The following ETFBKMT variants were observed in gnomAD, a reference collection of about 807,000 sequenced individuals.
ETFBKMT encodes the protein electron transfer flavoprotein subunit beta lysine methyltransferase.
In ETFBKMT, 13 loss-of-function variants were observed where a neutral mutation model predicts 18.3. That is an observed-to-expected ratio of 0.71 (90% CI 0.46 to 1.13). The LOEUF (loss-of-function observed/expected upper bound fraction) is 1.13. ETFBKMT is among the 50% of genes most tolerant of loss of function. The probability of loss-of-function intolerance (pLI) is 0.00; values close to 1 mark genes in which losing one functional copy is unlikely to be tolerated. For synonymous variants in ETFBKMT, 84 were observed against 107.9 expected, an observed-to-expected ratio of 0.78 and a Z score of 1.37; for missense variants, 293 against 306.2, an observed-to-expected ratio of 0.96 and a Z score of 0.32.
intron 2 of ETFBKMT, 89 bp downstream of exon 2, chr12:31,662,356 G>A: frequency 8.0e-7 from 1 of 1,249,848 alleles, no homozygotes; most frequent in Non-Finnish European, 1.1e-6. Flanking sequence ...AGCAATGCTA[G>A]GCGTGGTGGC....
intron 3 of ETFBKMT, among the ~76,000 whole-genome samples, chr12:31,666,943 C>T (rs1336062486): frequency 6.6e-6 from 1 of 151,834 alleles, no homozygotes; most frequent in East Asian, 1.9e-4. Context: ...AGGCATGAGC[C>T]ACCGCGCCTG....
At chr12:31,657,791 CAAA>C (rs777612236), upstream of ETFBKMT, among the ~76,000 whole-genome samples, 3 of 46,332 alleles carry the variant, frequency 6.5e-5, no homozygotes, top group African/African-American at 9.0e-5. Flanking sequence ...GACTTCATCT[CAAA>C]AAAAAAAAAA....
chr12:31,662,380 C>T, intron 2 of ETFBKMT, 113 bp downstream of exon 2: 1 of 943,698 alleles, frequency 1.1e-6, no homozygotes. Flanking sequence ...TGCCTGTAGT[C>T]TCAGTACTTT....
chr12:31,667,467 TTGG>T (rs1951213563), intron 3 of ETFBKMT, among the ~76,000 whole-genome samples, 177 bp from the exon 4 acceptor site: 1 of 152,256 alleles, frequency 6.6e-6, no homozygotes, highest in Non-Finnish European at 1.5e-5. Context: ...AGTCATGTAT[TTGG>T]AAATTGTGGT....
At position 31,662,157 on chromosome 12, in the gene ETFBKMT, G is replaced by A; in HGVS notation, c.204G>A (p.Gln68=). The change falls in exon 2 of 4, where the codon CAG becomes CAA. Residue 68 remains glutamine, a synonymous_variant. Coordinates refer to ENST00000357721, the MANE Select transcript of ETFBKMT (RefSeq NM_001135863.2). The part of the protein sequence containing the change: ...TSSGSLTPEI[Q]LRLLTPRCKF... The stretch of plus-strand genomic sequence containing the variant: ...GTGGTAGCCTCACCCCTGAAATCCA[G>A]TTGCGGCTTTTGACCCCCAGATGCA... 1 of 1,614,232 alleles carries A rather than the reference G, an allele frequency of 6.2e-7. No individual in the cohort carries two copies. The highest frequency in any genetic ancestry group is 8.5e-7 in the Non-Finnish European group (1 of 1,180,048).
rs1479742041 is a variant in ETFBKMT, at chr12:31,650,643, A to T, written c.-114+3388A>T. On this transcript the variant is annotated intron_variant, in intron 1 of 3. Transcript: ENST00000412352. ...TGACCTGACCTTTTTTTTTTTTTTT[A>T]AAGAATCACTCTGGCTTTTCTGTTG... Among the ~76,000 whole-genome samples the T allele has an allele frequency of 8.7e-5, 8 of 91,882 alleles. No homozygotes were observed. The South Asian group carries it at 1.8e-3, about 21-fold the overall frequency. The allele number at this position is 91,882 out of a possible 152,430, so 60.3% of individuals were successfully genotyped here.
chr12:31,647,715 G>C (rs1036969021), intron 1 of ETFBKMT, among the ~76,000 whole-genome samples: 1 of 152,124 alleles, frequency 6.6e-6, no homozygotes, highest in African/African-American at 2.4e-5. Context: ...TGTAATCCCA[G>C]CTACTCGGGA....
Position 31,668,234 on chromosome 12 carries a change from A to C in ETFBKMT, c.*244A>C. 1 of 432,214 alleles carries C rather than the reference A, an allele frequency of 2.3e-6. No homozygotes were observed. The highest frequency in any genetic ancestry group is 4.1e-6 in the Non-Finnish European group (1 of 243,766). 26.8% of individuals were successfully genotyped at this position (432,214 alleles called of 1,614,324 possible). ...TTTTTCTATTTTAACCGCTGAAGGA[A>C]TATGATTATACAATGCCATACTCAA... On this transcript the variant is annotated 3_prime_UTR_variant, in exon 4 of 4. Coordinates refer to ENST00000357721, the MANE Select transcript of ETFBKMT (RefSeq NM_001135863.2).
At chr12:31,647,693 G>A (rs1382348022) in intron 1 of ETFBKMT, among the ~76,000 whole-genome samples, 1 of 152,162 alleles carries the variant, frequency 6.6e-6, no homozygotes, top group East Asian at 1.9e-4. Context: ...GCCAGGTGTG[G>A]TGGCAGGTGC....
Position 31,669,130 on chromosome 12 carries a change from A to G in ETFBKMT, c.*1140A>G, listed in dbSNP as rs1405309839. The stretch of plus-strand genomic sequence containing the variant: ...TGGGTAGGGCTACTGTTTGCTGTAG[A>G]GTAGATATTACAGGCTAAATTTTCC... On this transcript the variant is annotated 3_prime_UTR_variant, in exon 4 of 4. Transcript: ENST00000357721. The G allele has an allele frequency of 6.6e-6, 1 of 152,216 alleles. No individual in the cohort carries two copies. The highest frequency in any genetic ancestry group is 6.5e-5 in the Admixed American group (1 of 15,280). 9.4% of individuals were successfully genotyped at this position (152,216 alleles called of 1,614,324 possible).
intron 1 of ETFBKMT, among the ~76,000 whole-genome samples, chr12:31,648,638 T>G (rs1950988945): frequency 1.4e-5 from 2 of 140,658 alleles, no homozygotes; most frequent in African/African-American, 5.2e-5. Flanking sequence ...CTCGGCTCAC[T>G]GCAAGCTCTG....
intron 1 of ETFBKMT, among the ~76,000 whole-genome samples, chr12:31,660,357 C>A (rs1267594572): frequency 6.6e-6 from 1 of 152,008 alleles, no homozygotes; most frequent in African/African-American, 2.4e-5. Flanking sequence ...TTATGATGTC[C>A]AGCCCCTTGT....
In ETFBKMT at chr12:31,649,536, T is replaced by C. The variant is rs188526747; in HGVS notation, c.-114+2281T>C. On this transcript the variant is annotated intron_variant, in intron 1 of 3. Coordinates refer to the ETFBKMT transcript ENST00000412352. ...TGCCATTTTTTTTTCAAACAGAGTG[T>C]GCTTACTTCGTGTTTCTGTGTCACA... 4.6e-5 allele frequency among the ~76,000 whole-genome samples: 7 copies of C among 152,200 alleles called. No homozygotes were observed. The East Asian group carries it at 7.7e-4, about 17-fold the overall frequency.
upstream of ETFBKMT, among the ~76,000 whole-genome samples, chr12:31,655,082 C>T (rs1488038139): frequency 8.7e-6 from 1 of 114,668 alleles, no homozygotes; most frequent in Non-Finnish European, 1.9e-5. Flanking sequence ...AACAAAAAAA[C>T]AGAACAAAAA....
Position 31,669,257 on chromosome 12 carries a change from CCT to C in ETFBKMT, c.*1268_*1269del, listed in dbSNP as rs1592140184. On this transcript the variant is annotated 3_prime_UTR_variant, in exon 4 of 4. Coordinates refer to ENST00000357721, the MANE Select transcript of ETFBKMT (RefSeq NM_001135863.2). ...TTGCAGTTTTTTTCACCTGTAATTC[CCT>C]GTTATTATACAGTAGCCTAACTGAT... is the stretch of plus-strand genomic sequence containing the variant. 3 of 152,176 alleles carry C rather than the reference CCT, an allele frequency of 2.0e-5. No individual in the cohort carries two copies. The East Asian group carries it at 5.8e-4, about 29-fold the overall frequency. The allele number at this position is 152,176 out of a possible 1,614,324, so 9.4% of individuals were successfully genotyped here. A position where few individuals can be genotyped will look rare whatever the true frequency, so the allele number is the denominator to read the frequency against.
rs1210337152 is a variant in ETFBKMT, at chr12:31,662,050, C to T, written c.97C>T (p.Gln33Ter). Residue 33 changes from glutamine (Q) to a stop codon, truncating the protein, a stop_gained, in exon 2 of 4, where the codon CAG becomes TAG. Transcript: ENST00000357721. LOFTEE classifies it high-confidence loss of function. ...TGGTCTTCTCTTGTTTCCCTGTGGC[C>T]AGTGTCCCTGGAGAGGAGCTGGAAG... The part of the protein sequence containing the change: ...SSGLLLFPCG[Q>*]CPWRGAGSFL... 1.2e-6 allele frequency: 2 copies of T among 1,614,224 alleles called. No homozygotes were observed. Among genetic ancestry groups the T allele is most frequent in the Non-Finnish European group, 1.7e-6 (2 of 1,180,018 alleles).
chr12:31,655,504 C>T (rs1018170915), upstream of ETFBKMT, among the ~76,000 whole-genome samples: 4 of 152,204 alleles, frequency 2.6e-5, no homozygotes, highest in African/African-American at 4.8e-5. Flanking sequence ...GTAAATTTCA[C>T]ACCGACTGTG....
At chr12:31,647,759 G>A (rs774819754) in intron 1 of ETFBKMT, among the ~76,000 whole-genome samples, 85 of 152,118 alleles carry the variant, frequency 5.6e-4, no homozygotes, top group Non-Finnish European at 1.1e-3. Flanking sequence ...AACCCGGGAG[G>A]CGAAGGTTGC....
At chr12:31,656,357 C>T (rs1322706559), upstream of ETFBKMT, among the ~76,000 whole-genome samples, 4 of 151,930 alleles carry the variant, frequency 2.6e-5, no homozygotes, top group Admixed American at 6.6e-5. Flanking sequence ...GAGAACAAGG[C>T]GCTGTGGGAG....
Sources: gnomAD v4.1 joint callset for allele counts (sites outside exome capture counted in the v4.1 genomes callset) on GRCh38, gnomAD v4.1.1 for gene constraint, MANE v1.5 for transcripts, NCBI Gene and HGNC (gene_info 2026-07-23, HGNC 2026-07-21) for gene names.